SEC14L3: variants seen among roughly 807,000 people sequenced by gnomAD.
The protein encoded by SEC14L3 is SEC14-like protein 3.
SEC14L3 carries 56 observed loss-of-function variants against 57.4 expected under a neutral mutation model. That is an observed-to-expected ratio of 0.97 (90% CI 0.79 to 1.22). The LOEUF is 1.22. Ranked by LOEUF, SEC14L3 falls within the 50% of genes most tolerant of loss-of-function variation. SEC14L3 has a pLI of 0.00. For synonymous variants in SEC14L3, 173 were observed against 194.4 expected (o/e 0.89, Z 0.92); for missense variants, 485 against 511.7 (o/e 0.95, Z 0.50).
rs1935554715 is a variant in SEC14L3 at position 30,470,089 on chromosome 22, A to T, written c.175-11T>A. Reference sequence around the variant, plus strand: ...CCGGAACTCCATGTACTGAAAGGGAAATGAGTGGTAAGATCCCACTGGGCT... The same window carrying T: ...CCGGAACTCCATGTACTGAAAGGGATATGAGTGGTAAGATCCCACTGGGCT... On this transcript the variant is annotated splice_polypyrimidine_tract_variant and intron_variant, in intron 3 of 11. Transcript: ENST00000215812. The T allele has an allele frequency of 1.9e-6, 3 of 1,604,722 alleles. No individual in the cohort carries two copies. Among genetic ancestry groups the T allele is most frequent in the Non-Finnish European group, 2.6e-6 (3 of 1,174,742 alleles).
At chr22:30,468,293 A>AAAG (rs544745401) in intron 5 of SEC14L3, among the ~76,000 whole-genome samples, 12 of 149,574 alleles carry the variant, frequency 8.0e-5, no homozygotes, top group South Asian at 2.1e-4. Context: ...AAAAAAAAAA[A>AAAG]GAGGGTTCTA....
intron 12 of SEC14L3, among the ~76,000 whole-genome samples, chr22:30,452,015 AAGAAAAG>A (rs1449997866): frequency 2.7e-5 from 4 of 146,960 alleles, no homozygotes; most frequent in Non-Finnish European, 6.0e-5. Flanking sequence ...AAAAAGAAAA[AAGAAAAG>A]AAAAGAAAAG....
chr22:30,454,861 ATATAATACATAATATATTAT>A (rs1935070225), downstream of SEC14L3, among the ~76,000 whole-genome samples: 3 of 46,492 alleles, frequency 6.5e-5, no homozygotes, highest in African/African-American at 4.3e-4. Context: ...TTATATTATT[ATATAATACATAATATATTAT>A]TATATATTAT....
intron 3 of SEC14L3, 44 bp from the exon 4 acceptor site, chr22:30,470,122 C>T: frequency 1.9e-6 from 3 of 1,609,200 alleles, no homozygotes; most frequent in Non-Finnish European, 2.5e-6. Flanking sequence ...GCTCCCAGTG[C>T]CCTGAGAACA....
downstream of SEC14L3, among the ~76,000 whole-genome samples, chr22:30,456,348 G>GGAA (rs1349850615): frequency 3.3e-5 from 5 of 150,252 alleles, no homozygotes; most frequent in Non-Finnish European, 5.9e-5. Context: ...AAGGAATATT[G>GGAA]GAAGCTGGGT....
exon 13 of SEC14L3, chr22:30,449,199 A>T: frequency 6.4e-7 from 1 of 1,550,580 alleles, no homozygotes; most frequent in Non-Finnish European, 8.7e-7. Flanking sequence ...GCTGCATATA[A>T]TCACGGGCAG....
At chr22:30,471,724 G>T (rs148550271) in intron 1 of SEC14L3, among the ~76,000 whole-genome samples, 181 bp downstream of exon 1, 2 of 152,206 alleles carry the variant, frequency 1.3e-5, no homozygotes, top group Admixed American at 6.5e-5. Context: ...CTCAACCCCC[G>T]CCCGGGACAG....
At chr22:30,454,741 AATAT>A (rs1404644678), downstream of SEC14L3, among the ~76,000 whole-genome samples, 1 of 71,514 alleles carries the variant, frequency 1.4e-5, no homozygotes, top group African/African-American at 5.9e-5. Flanking sequence ...AATATATAAT[AATAT>A]TATTATATAT....
At chr22:30,457,678 T>C (rs1935143155), downstream of SEC14L3, among the ~76,000 whole-genome samples, 2 of 122,384 alleles carry the variant, frequency 1.6e-5, no homozygotes, top group African/African-American at 3.5e-5. Flanking sequence ...CCACTGCACC[T>C]GGCCATGCTT....
intron 4 of SEC14L3, chr22:30,468,909 C>A: frequency 6.6e-7 from 1 of 1,511,932 alleles, no homozygotes; most frequent in Non-Finnish European, 8.9e-7. Context: ...CAGGTCTCAG[C>A]AGGCCCTTGG....
downstream of SEC14L3, among the ~76,000 whole-genome samples, chr22:30,455,138 T>G: frequency 1.1e-5 from 1 of 94,792 alleles, no homozygotes; most frequent in Admixed American, 1.8e-4. Context: ...TTATATTTAA[T>G]ATTTAATATA....
Position 30,464,880 on chromosome 22 carries a change from A to G in SEC14L3, c.604T>C (p.Tyr202His). The G allele has an allele frequency of 6.2e-7, 1 of 1,614,146 alleles. No individual in the cohort carries two copies. The highest frequency in any genetic ancestry group is 8.5e-7 in the Non-Finnish European group (1 of 1,179,970). ...CTCAGGAATGGCTTCATGAGGTTGT[A>G]GCCCACAGGGAACAGTTTGGTAGCT... ...VKATKLFPVG[Y>H]NLMKPFLSED... Residue 202 changes from tyrosine to histidine, a missense_variant, in exon 8 of 12, where the codon TAC becomes CAC. Tyr to His is a moderately conservative substitution (Grantham distance 83). Transcript: ENST00000215812.
chr22:30,471,996 G>A lies in SEC14L3; in HGVS notation c.-38C>T, dbSNP rs1935629214. The A allele has an allele frequency of 1.3e-6, 2 of 1,557,828 alleles. No individual in the cohort carries two copies. Among genetic ancestry groups the A allele is most frequent in the African/African-American group, 2.8e-5 (2 of 72,010 alleles). Reference sequence around the variant, plus strand: ...GGCTTGAGGAGTGGTGGCCACTATAGGCAAGAGGCCAAGCCTAGTTTGTCA... The same window carrying A: ...GGCTTGAGGAGTGGTGGCCACTATAAGCAAGAGGCCAAGCCTAGTTTGTCA... On this transcript the variant is annotated 5_prime_UTR_variant, in exon 1 of 12. Transcript: ENST00000215812.
chr22:30,470,729 G>GAT, intron 1 of SEC14L3, 147 bp from the exon 2 acceptor site: 12 of 1,478,522 alleles, frequency 8.1e-6, no homozygotes, highest in Non-Finnish European at 1.1e-5. Flanking sequence ...TGAATAGAAG[G>GAT]GCAGATGGAT....
At position 30,468,590 on chromosome 22, in the gene SEC14L3, G is replaced by A; in HGVS notation, c.341C>T (p.Ser114Leu). The part of the protein sequence containing the change: ...GPLDPKGLLF[S>L]VTKQDLLKTK... ...CTTGAGCAGGTCCTGCTTGGTGACT[G>A]AGAAGAGCAACCCCTTGGGATCAAG... The change falls in exon 5 of 12, where the codon TCA (serine) becomes TTA (leucine). Residue 114 changes from serine to leucine, a missense_variant. Ser to Leu is a moderately radical substitution (Grantham distance 145). Coordinates refer to ENST00000215812, the MANE Select transcript of SEC14L3 (RefSeq NM_174975.5). 6.2e-7 allele frequency: 1 copy of A among 1,613,968 alleles called. No individual in the cohort carries two copies. The highest frequency in any genetic ancestry group is 8.5e-7 in the Non-Finnish European group (1 of 1,180,016).
At chr22:30,462,330 G>T in intron 8 of SEC14L3, 138 bp from the exon 9 acceptor site, 1 of 1,281,248 alleles carries the variant, frequency 7.8e-7, no homozygotes, top group Non-Finnish European at 1.1e-6. Flanking sequence ...CAGTGTCCTA[G>T]GCCTGGGGCT....
At chr22:30,454,913 AT>A (rs546953218), downstream of SEC14L3, among the ~76,000 whole-genome samples, 7,341 of 31,858 alleles carry the variant, frequency 0.23, 764 homozygotes, top group African/African-American at 0.35. Context: ...ATAATATATT[AT>A]TATATATTAT....
chr22:30,461,161 G>A (rs1935243203), intron 11 of SEC14L3, 149 bp downstream of exon 11: 1 of 953,824 alleles, frequency 1.0e-6, no homozygotes, highest in African/African-American at 1.6e-5. Flanking sequence ...TATGGACTGA[G>A]TGAGTGACTG....
rs1260786548 is a variant in SEC14L3 at position 30,464,890 on chromosome 22, G to A, written c.594C>T (p.Phe198=). Residue 198 remains phenylalanine, a synonymous_variant, in exon 8 of 12, where the codon TTC becomes TTT. Transcript: ENST00000215812. ...FMLIVKATKL[F]PVGYNLMKPF... ...GCTTCATGAGGTTGTAGCCCACAGG[G>A]AACAGTTTGGTAGCTGGAGAGATAG... 1.2e-6 allele frequency: 2 copies of A among 1,613,802 alleles called. No homozygotes were observed. The highest frequency in any genetic ancestry group is 2.7e-5 in the African/African-American group (2 of 74,886).
Sources: allele counts gnomAD v4.1 joint callset (sites outside exome capture counted in the v4.1 genomes callset), GRCh38; gene constraint gnomAD v4.1.1; transcripts MANE v1.5; gene names NCBI Gene and HGNC (gene_info 2026-07-23, HGNC 2026-07-21).